CSPP1: variants seen among roughly 807,000 people sequenced by gnomAD.
CSPP1 encodes centrosome and spindle pole-associated protein 1.
Under a neutral mutation model 164.4 loss-of-function variants are expected in CSPP1, and 126 were observed. The observed-to-expected ratio is 0.77, with a 90% confidence interval of 0.66 to 0.89. CSPP1 has a LOEUF of 0.89. Ranked by LOEUF, CSPP1 falls within the 40% of genes least tolerant of loss-of-function variation. CSPP1 has a pLI of 0.00. For synonymous variants in CSPP1, 472 were observed against 476.7 expected, an observed-to-expected ratio of 0.99 and a Z score of 0.13; for missense variants, 1,395 against 1,449.8, an observed-to-expected ratio of 0.96 and a Z score of 0.61.
chr8:67,179,988 A>C, intron 28 of CSPP1, 62 bp downstream of exon 28: 1 of 915,888 alleles, frequency 1.1e-6, no homozygotes, highest in Non-Finnish European at 1.8e-6. Flanking sequence ...TCCACACTTA[A>C]AAACCAGTAC....
rs1563823718 is a variant in CSPP1, at chr8:67,196,560, CGGTTGGTAGACAA to C, written c.*968_*980del. 6.6e-6 allele frequency among the ~76,000 whole-genome samples: 1 copy of C among 152,162 alleles called. No homozygotes were observed. Among genetic ancestry groups the C allele is most frequent in the East Asian group, 1.9e-4 (1 of 5,196 alleles). On this transcript the variant is annotated 3_prime_UTR_variant, in exon 31 of 31. Coordinates refer to ENST00000678616, the MANE Select transcript of CSPP1 (RefSeq NM_001382391.1). Reference sequence around the variant, plus strand: ...ATAATACTTCCTCTGATGTAATTAACGGTTGGTAGACAATATCAGACAAATTTGCCACAATTAA... The same window carrying C: ...ATAATACTTCCTCTGATGTAATTAACTATCAGACAAATTTGCCACAATTAA...
chr8:67,164,547 C>A (rs900160155), intron 24 of CSPP1, 39 bp downstream of exon 24: 4 of 938,042 alleles, frequency 4.3e-6, no homozygotes, highest in Non-Finnish European at 7.0e-6. Flanking sequence ...CGCTTGAGTT[C>A]TTTTATCTTA....
intron 24 of CSPP1, among the ~76,000 whole-genome samples, chr8:67,167,291 AG>A (rs1159776979): frequency 7.9e-6 from 1 of 126,896 alleles, no homozygotes; most frequent in East Asian, 2.7e-4. Flanking sequence ...ACTTCCCAGA[AG>A]GGGCGGCCGG....
At chr8:67,135,327 T>G (rs1179924358) in intron 16 of CSPP1, 3 of 152,088 alleles carry the variant, frequency 2.0e-5, no homozygotes, top group African/African-American at 7.2e-5. Context: ...ATTTTTTATT[T>G]TTTTTTGTAT....
At chr8:67,121,106 G>C (rs1352013056) in intron 15 of CSPP1, among the ~76,000 whole-genome samples, 3 of 152,078 alleles carry the variant, frequency 2.0e-5, no homozygotes, top group African/African-American at 7.2e-5. Context: ...GCCTGCCTCA[G>C]CCTCCCAAAG....
intron 1 of CSPP1, among the ~76,000 whole-genome samples, chr8:67,068,851 A>G (rs1251573757): frequency 6.6e-6 from 1 of 152,226 alleles, no homozygotes; most frequent in Non-Finnish European, 1.5e-5. Context: ...CCAAACACAG[A>G]CAAAACGTAA....
intron 27 of CSPP1, among the ~76,000 whole-genome samples, chr8:67,178,507 C>CA (rs998872667): frequency 1.3e-5 from 2 of 152,124 alleles, no homozygotes; most frequent in African/African-American, 4.8e-5. Flanking sequence ...AGACAGTAAT[C>CA]AAATAAATCA....
At chr8:67,165,490 T>G (rs1829149013) in intron 24 of CSPP1, among the ~76,000 whole-genome samples, 1 of 152,228 alleles carries the variant, frequency 6.6e-6, no homozygotes, top group Non-Finnish European at 1.5e-5. Context: ...CCATACAAGA[T>G]GTACCACATT....
chr8:67,116,140 T>C lies in CSPP1; in HGVS notation c.1496+18T>C. ...TCTCCCAGGTGCTTGTTTAAATGTT[T>C]TGTGTTTGGGAATTAGGTAAGGTAT... is the stretch of plus-strand genomic sequence containing the variant. On this transcript the variant is annotated intron_variant, in intron 13 of 30. Coordinates refer to ENST00000678616, the MANE Select transcript of CSPP1 (RefSeq NM_001382391.1). 7 of 1,582,724 alleles carry C rather than the reference T, an allele frequency of 4.4e-6. No individual in the cohort carries two copies. Among genetic ancestry groups the C allele is most frequent in the Non-Finnish European group, 6.1e-6 (7 of 1,151,496 alleles).
chr8:67,169,662 A>C (rs1383433682), intron 24 of CSPP1, among the ~76,000 whole-genome samples: 1 of 152,072 alleles, frequency 6.6e-6, no homozygotes, highest in Non-Finnish European at 1.5e-5. Flanking sequence ...CTGGTCTCAA[A>C]TTCTTGACCT....
At chr8:67,083,548 A>AAAAAAAAAAAAAAATAT (rs1332248754) in intron 3 of CSPP1, 5 of 91,502 alleles carry the variant, frequency 5.5e-5, no homozygotes, top group African/African-American at 2.2e-4. Flanking sequence ...AAAAAAAAAA[A>AAAAAAAAAAAAAAATAT]ATATATATAT....
intron 28 of CSPP1, among the ~76,000 whole-genome samples, chr8:67,181,077 G>A (rs768857572): frequency 5.3e-5 from 8 of 151,204 alleles, no homozygotes; most frequent in South Asian, 2.1e-4. Flanking sequence ...TTGCTCTGTC[G>A]CCCAGGCTGG....
chr8:67,195,346 G>GTGTT, intron 30 of CSPP1, 36 bp from the exon 31 acceptor site: 1 of 1,420,560 alleles, frequency 7.0e-7, no homozygotes, highest in Non-Finnish European at 1.0e-6. Flanking sequence ...CCTGCCACCT[G>GTGTT]TGTTACCTGA....
At chr8:67,159,962 TTTTC>T (rs1563714230) in intron 21 of CSPP1, among the ~76,000 whole-genome samples, 2 of 38,634 alleles carry the variant, frequency 5.2e-5, no homozygotes, top group East Asian at 1.2e-3. Flanking sequence ...TCCTTCTTTC[TTTTC>T]TTTTCTTTTC....
chr8:67,092,524 A>G (rs943507210), intron 5 of CSPP1, among the ~76,000 whole-genome samples: 4 of 151,832 alleles, frequency 2.6e-5, no homozygotes, highest in Non-Finnish European at 5.9e-5. Flanking sequence ...TGCAACCTCC[A>G]CCTCCCCAGT....
At chr8:67,121,002 C>A (rs1310311616) in intron 15 of CSPP1, among the ~76,000 whole-genome samples, 1 of 151,886 alleles carries the variant, frequency 6.6e-6, no homozygotes, top group Non-Finnish European at 1.5e-5. Context: ...TAAAGGCGTG[C>A]ACCACTATGC....
intron 7 of CSPP1, among the ~76,000 whole-genome samples, chr8:67,097,612 GTGTT>G (rs1213729946): frequency 6.6e-6 from 1 of 151,842 alleles, no homozygotes; most frequent in African/African-American, 2.4e-5. Flanking sequence ...TCCCTTTATG[GTGTT>G]TGTTTACGTT....
intron 9 of CSPP1, among the ~76,000 whole-genome samples, chr8:67,111,405 A>G (rs368650710): frequency 3.9e-5 from 6 of 152,132 alleles, no homozygotes; most frequent in African/African-American, 9.7e-5. Flanking sequence ...GGAGTTGGGA[A>G]GACTGGTAAT....
At chr8:67,074,436 T>A in intron 2 of CSPP1, 85 bp downstream of exon 2, 1 of 730,266 alleles carries the variant, frequency 1.4e-6, no homozygotes, top group Non-Finnish European at 2.2e-6. Context: ...CATCCTCTTC[T>A]ATGAGTGAGA....
Sources: allele counts gnomAD v4.1 joint callset (sites outside exome capture counted in the v4.1 genomes callset), GRCh38; gene constraint gnomAD v4.1.1; transcripts MANE v1.5; gene names NCBI Gene and HGNC (gene_info 2026-07-23, HGNC 2026-07-21).